The following PCDHGA1 variants were observed in gnomAD, a reference collection of about 807,000 sequenced individuals.
The protein encoded by PCDHGA1 is protocadherin gamma subfamily A, 1, also known as protocadherin gamma-A1.
In PCDHGA1, 32 loss-of-function variants were observed where a neutral mutation model predicts 58.0. The ratio of observed to expected loss-of-function variants is 0.55; its 90% CI spans 0.42 to 0.74. The LOEUF (loss-of-function observed/expected upper bound fraction) is 0.74, where lower values mean the gene tolerates loss of function less well. Among genes scored for constraint, PCDHGA1 ranks in the 30% least tolerant of loss-of-function variants. PCDHGA1 has a pLI of 0.00. For synonymous variants in PCDHGA1, 498 were observed against 501.1 expected, an observed-to-expected ratio of 0.99 and a Z score of 0.08; for missense variants, 1,205 against 1,182.3, an observed-to-expected ratio of 1.02 and a Z score of -0.28.
intron 1 of PCDHGA1, chr5:141,371,923 G>A: frequency 2.5e-6 from 4 of 1,613,350 alleles, no homozygotes; most frequent in African/African-American, 1.3e-5. Flanking sequence ...GTGAGCGCGC[G>A]GAGCGGGGTG....
At position 141,332,788 on chromosome 5, in the gene PCDHGA1, T is replaced by C. The variant is rs767304545; in HGVS notation, c.2104T>C (p.Cys702Arg). The C allele has an allele frequency of 1.2e-6, 2 of 1,614,032 alleles. No homozygotes were observed. The highest frequency in any genetic ancestry group is 2.2e-5 in the East Asian group (1 of 44,896). Residue 702 changes from cysteine (C) to arginine (R), a missense_variant, in exon 1 of 4, where the codon TGC becomes CGC. By Grantham distance (180) the Cys-to-Arg change is radical. Coordinates refer to ENST00000517417, the MANE Select transcript of PCDHGA1 (RefSeq NM_018912.3). The surrounding 1 kb of genome is among the most constrained non-coding windows in gnomAD (Gnocchi z 4.6). The stretch of plus-strand genomic sequence containing the variant: ...GGTGGTGGCGGCGGCCGCGGTCTCC[T>C]GCGTCTTCCTGGCCTTCGTCATCGT... The part of the protein sequence containing the change: ...YLVVAAAAVS[C>R]VFLAFVIVLL...
chr5:141,487,196 G>A lies in PCDHGA1; in HGVS notation c.2422-7611G>A. On this transcript the variant is annotated intron_variant, in intron 1 of 3. Coordinates refer to ENST00000517417, the MANE Select transcript of PCDHGA1 (RefSeq NM_018912.3). This position sits in a 1 kb window ranked among gnomAD's most constrained non-coding sequence, Gnocchi z 5.0. Reference sequence around the variant, plus strand: ...GGAAGACACTCATCCAGTTGTCCCAGATCTTCGAGAATCTTCAGCTCCAAG... The same window carrying A: ...GGAAGACACTCATCCAGTTGTCCCAAATCTTCGAGAATCTTCAGCTCCAAG... The A allele has an allele frequency of 1.2e-6, 2 of 1,613,878 alleles. No homozygotes were observed. The highest frequency in any genetic ancestry group is 8.5e-7 in the Non-Finnish European group (1 of 1,179,796).
chr5:141,473,796 G>A (rs2099328996), intron 1 of PCDHGA1, among the ~76,000 whole-genome samples: 1 of 152,224 alleles, frequency 6.6e-6, no homozygotes, highest in African/African-American at 2.4e-5. Context: ...GCAGTATGAT[G>A]CTACTGAGGA....
chr5:141,499,751 A>G (rs1355923543), intron 2 of PCDHGA1, among the ~76,000 whole-genome samples: 2 of 149,258 alleles, frequency 1.3e-5, no homozygotes, highest in Non-Finnish European at 3.0e-5. Flanking sequence ...CTGTGGCACA[A>G]TCTCAGCTCA....
chr5:141,373,942 G>A (rs915722802), intron 1 of PCDHGA1: 1 of 734,324 alleles, frequency 1.4e-6, no homozygotes, highest in African/African-American at 1.8e-5. Flanking sequence ...CAGGAAAGCT[G>A]TGCAGAAATT....
intron 1 of PCDHGA1, among the ~76,000 whole-genome samples, chr5:141,457,278 C>T (rs1446074161): frequency 6.6e-6 from 1 of 152,196 alleles, no homozygotes; most frequent in Non-Finnish European, 1.5e-5. Flanking sequence ...TGTGGGCCTA[C>T]GAAGTTCCTT....
At chr5:141,351,772 C>T (rs1758814915) in intron 1 of PCDHGA1, 1 of 1,613,538 alleles carries the variant, frequency 6.2e-7, no homozygotes, top group East Asian at 2.2e-5. Flanking sequence ...TGTCCGTGAG[C>T]CCGCAGAGCG....
chr5:141,362,202 G>A, intron 1 of PCDHGA1: 1 of 1,614,078 alleles, frequency 6.2e-7, no homozygotes, highest in Non-Finnish European at 8.5e-7. Flanking sequence ...CAAAACTGCA[G>A]TTTTACCTGG....
intron 1 of PCDHGA1, chr5:141,391,496 G>C (rs1256159469): frequency 6.6e-6 from 1 of 151,988 alleles, no homozygotes; most frequent in Non-Finnish European, 1.5e-5. Flanking sequence ...GTTTTCAGTA[G>C]AGAAAATATT....
intron 1 of PCDHGA1, among the ~76,000 whole-genome samples, chr5:141,442,921 CATTTTCTA>C (rs1366534082): frequency 6.6e-6 from 1 of 152,196 alleles, no homozygotes. Context: ...ACAACTGTTT[CATTTTCTA>C]TTTAAGAAAC....
chr5:141,431,921 G>A lies in PCDHGA1; in HGVS notation c.2422-62886G>A. The A allele has an allele frequency of 1.9e-6, 3 of 1,614,142 alleles. No homozygotes were observed. Among genetic ancestry groups the A allele is most frequent in the South Asian group, 2.2e-5 (2 of 91,084 alleles). On this transcript the variant is annotated intron_variant, in intron 1 of 3. Transcript: ENST00000517417. The surrounding 1 kb of genome is among the most constrained non-coding windows in gnomAD (Gnocchi z 4.8). ...CGGACAGGTGATCTGTTTCATCCAA[G>A]GAAATCTGCCCTTTAAATTAGAAAA...
chr5:141,384,754 G>A, intron 1 of PCDHGA1: 1 of 1,614,042 alleles, frequency 6.2e-7, no homozygotes, highest in Non-Finnish European at 8.5e-7. Flanking sequence ...ACTCTTTGCG[G>A]TTGGGCTGTA....
chr5:141,468,348 A>C (rs962230735), intron 1 of PCDHGA1: 2 of 150,318 alleles, frequency 1.3e-5, no homozygotes, highest in African/African-American at 4.9e-5. Context: ...AAAAAAAAAA[A>C]AGAAAGAAAA....
chr5:141,403,547 G>T (rs940508173), intron 1 of PCDHGA1: 8 of 1,613,888 alleles, frequency 5.0e-6, no homozygotes, highest in African/African-American at 1.3e-5. Flanking sequence ...GCTGGAGCGC[G>T]CCCTGGACAG....
intron 1 of PCDHGA1, among the ~76,000 whole-genome samples, chr5:141,386,802 A>T (rs1262742441): frequency 6.6e-6 from 1 of 152,248 alleles, no homozygotes; most frequent in East Asian, 1.9e-4. Context: ...AAAATTTATT[A>T]GATGCATAAA....
At chr5:141,475,014 C>G (rs2099358221) in intron 1 of PCDHGA1, among the ~76,000 whole-genome samples, 1 of 152,202 alleles carries the variant, frequency 6.6e-6, no homozygotes, top group South Asian at 2.1e-4. Flanking sequence ...AAAGTTAAGG[C>G]TCTTTATTCT....
intron 1 of PCDHGA1, chr5:141,394,896 G>A: frequency 4.3e-6 from 7 of 1,613,872 alleles, no homozygotes; most frequent in Non-Finnish European, 5.9e-6. Context: ...CTATCTCGTG[G>A]TGGCAGTGGC....
intron 1 of PCDHGA1, among the ~76,000 whole-genome samples, chr5:141,469,045 G>C (rs35157158): frequency 1.4e-3 from 207 of 152,234 alleles, no homozygotes; most frequent in Middle Eastern, 0.01. Flanking sequence ...GGGAGGCCAA[G>C]GTGGGAGGAT....
chr5:141,375,822 G>T, intron 1 of PCDHGA1: 6 of 1,614,140 alleles, frequency 3.7e-6, no homozygotes, highest in Non-Finnish European at 5.1e-6. Flanking sequence ...CTGGCGCCCC[G>T]CTCCGCAGAG....
Sources: allele counts gnomAD v4.1 joint callset (sites outside exome capture counted in the v4.1 genomes callset), GRCh38; gene constraint gnomAD v4.1.1; non-coding constraint Gnocchi (gnomAD v3.1); transcripts MANE v1.5; gene names NCBI Gene and HGNC (gene_info 2026-07-23, HGNC 2026-07-21).